The following ANKMY1 variants were observed in gnomAD, a reference collection of about 807,000 sequenced individuals.
ANKMY1 encodes the protein ankyrin repeat and MYND domain-containing protein 1.
A neutral mutation model predicts 102.0 loss-of-function variants in ANKMY1; 98 were observed. That is an observed-to-expected ratio of 0.96 (90% CI 0.82 to 1.14). The LOEUF is 1.14. Among genes scored for constraint, ANKMY1 ranks in the 50% most tolerant of loss-of-function variants. The pLI, the probability that ANKMY1 is intolerant of heterozygous loss-of-function variation, is 0.00. For synonymous variants in ANKMY1, 582 were observed against 559.9 expected (o/e 1.04, Z -0.56); for missense variants, 1,330 against 1,347.6 (o/e 0.99, Z 0.20).
Position 240,529,963 on chromosome 2 carries a change from AGG to A in ANKMY1, c.481-456_481-455del. Reference sequence around the variant, plus strand: ...GGAGGAGGAGATAGAGGAAAGGAAGAGGAGGAGGAGGAAGAGGAAGGAGGGAA... The same window carrying A: ...GGAGGAGGAGATAGAGGAAAGGAAGAAGGAGGAGGAAGAGGAAGGAGGGAA... On this transcript the variant is annotated intron_variant, in intron 4 of 17. Coordinates refer to ENST00000401804, the MANE Select transcript of ANKMY1 (RefSeq NM_001282771.3). The surrounding 1 kb of genome is among the most constrained non-coding windows in gnomAD (Gnocchi z 4.2). Among the ~76,000 whole-genome samples, 1 of 132,146 alleles carries A rather than the reference AGG, an allele frequency of 7.6e-6. No individual in the cohort carries two copies. Among genetic ancestry groups the A allele is most frequent in the Non-Finnish European group, 1.7e-5 (1 of 57,374 alleles). 86.7% of individuals were successfully genotyped at this position (132,146 alleles called of 152,430 possible).
intron 16 of ANKMY1, 50 bp downstream of exon 16, chr2:240,482,133 A>C (rs1035299596): frequency 8.2e-6 from 13 of 1,595,076 alleles, no homozygotes; most frequent in African/African-American, 1.3e-5. Flanking sequence ...AGCACTGTCC[A>C]AACCACAGGC....
In ANKMY1 at chr2:240,479,594, C is replaced by T; in HGVS notation, c.*15G>A. The T allele has an allele frequency of 6.2e-7, 1 of 1,613,844 alleles. No homozygotes were observed. The highest frequency in any genetic ancestry group is 8.5e-7 in the Non-Finnish European group (1 of 1,179,942). ...TCCTGGGTCCTCCCCAAGCCTCGGA[C>T]GTGCAGCTGCTGCTTCACTGGAATT... On this transcript the variant is annotated 3_prime_UTR_variant, in exon 18 of 18. Transcript: ENST00000401804.
chr2:240,471,443 G>A, the ANKMY1 span, among the ~76,000 whole-genome samples: 2 of 151,742 alleles, frequency 1.3e-5, no homozygotes, highest in Non-Finnish European at 2.9e-5. Context: ...AATAAAATCT[G>A]CCACCAGAGC....
intron 4 of ANKMY1, among the ~76,000 whole-genome samples, chr2:240,542,206 A>AG (rs2089054403): frequency 1.4e-5 from 2 of 146,134 alleles, no homozygotes; most frequent in South Asian, 2.2e-4. Flanking sequence ...ACTCCATCTC[A>AG]GAAAAAAAAA....
At chr2:240,526,028 C>T (rs1335172412) in intron 6 of ANKMY1, 179 bp from the exon 7 acceptor site, 9 of 984,728 alleles carry the variant, frequency 9.1e-6, no homozygotes, top group African/African-American at 1.6e-5. Flanking sequence ...GCACTCTGCC[C>T]CAAACCCTTC....
chr2:240,515,806 C>T (rs938431378), intron 9 of ANKMY1, among the ~76,000 whole-genome samples: 18 of 152,160 alleles, frequency 1.2e-4, no homozygotes, highest in Non-Finnish European at 1.0e-4. Flanking sequence ...CAAGCTCCTC[C>T]TCCCAGGTTC....
chr2:240,560,664 G>A (rs780981556), upstream of ANKMY1: 7 of 1,499,260 alleles, frequency 4.7e-6, no homozygotes, highest in Non-Finnish European at 6.2e-6. Context: ...GGGCCCAAAA[G>A]CAGACTCTTC....
At position 240,526,629 on chromosome 2, in the gene ANKMY1, C is replaced by T. The variant is rs956600241; in HGVS notation, c.954-184G>A. ...CAGCTGCTCACAATCCACTAGGTTG[C>T]ACACGGTGGTGCAGACATGCCACCT... On this transcript the variant is annotated intron_variant, in intron 5 of 17. Coordinates refer to ENST00000401804, the MANE Select transcript of ANKMY1 (RefSeq NM_001282771.3). 96 of 1,447,338 alleles carry T rather than the reference C, an allele frequency of 6.6e-5. No homozygotes were observed. In the East Asian group the frequency reaches 2.3e-3, roughly 35 times the overall value. The allele number at this position is 1,447,338 out of a possible 1,614,324, so 89.7% of individuals were successfully genotyped here.
intron 15 of ANKMY1, among the ~76,000 whole-genome samples, chr2:240,484,076 G>A (rs1428292657): frequency 6.6e-6 from 1 of 152,104 alleles, no homozygotes; most frequent in Non-Finnish European, 1.5e-5. Context: ...TCTTTATCTA[G>A]TCTATCATTG....
chr2:240,481,195 G>A, intron 16 of ANKMY1, 98 bp from the exon 17 acceptor site: 1 of 1,479,358 alleles, frequency 6.8e-7, no homozygotes, highest in South Asian at 1.3e-5. Flanking sequence ...TGAGCTCCTG[G>A]GCTATTCCCC....
chr2:240,519,974 C>T, intron 9 of ANKMY1: 1 of 423,324 alleles, frequency 2.4e-6, no homozygotes, highest in Non-Finnish European at 5.0e-6. Flanking sequence ...ACCTCAGCAC[C>T]AAAACCCTTT....
At chr2:240,539,374 G>A (rs954162856) in intron 4 of ANKMY1, among the ~76,000 whole-genome samples, 5 of 152,128 alleles carry the variant, frequency 3.3e-5, no homozygotes, top group East Asian at 1.9e-4. Flanking sequence ...AACACTCACC[G>A]TGAAGGTCTG....
intron 4 of ANKMY1, among the ~76,000 whole-genome samples, chr2:240,540,288 G>A (rs533153682): frequency 1.1e-4 from 17 of 152,248 alleles, no homozygotes; most frequent in Non-Finnish European, 2.5e-4. Context: ...AGACTGATCT[G>A]ACTGCCTCAG....
chr2:240,511,755 C>T (rs1374808775), intron 11 of ANKMY1, 106 bp downstream of exon 11: 1 of 1,400,222 alleles, frequency 7.1e-7, no homozygotes, highest in Non-Finnish European at 9.4e-7. Context: ...CTGGCTTCTG[C>T]CTAAGACTCA....
chr2:240,549,943 T>G (rs2125046069), intron 4 of ANKMY1, among the ~76,000 whole-genome samples: 1 of 152,016 alleles, frequency 6.6e-6, no homozygotes, highest in South Asian at 2.1e-4. Context: ...TCAACCATTG[T>G]GGAAGTCAGT....
chr2:240,500,653 C>A lies in ANKMY1; in HGVS notation c.2527-88G>T, dbSNP rs2078023768. 10 of 1,137,032 alleles carry A rather than the reference C, an allele frequency of 8.8e-6. 1 individual carries two copies. In the South Asian group the frequency reaches 1.4e-4, roughly 16 times the overall value. 70.4% of individuals were successfully genotyped at this position (1,137,032 alleles called of 1,614,324 possible). A position where few individuals can be genotyped will look rare whatever the true frequency, so the allele number is the denominator to read the frequency against. ...CACCGCCTGAGAAGGGCCATGGTCA[C>A]CTGCAGTCCCCACCAAGGCCGCCCT... On this transcript the variant is annotated intron_variant, in intron 13 of 17. Coordinates refer to ENST00000401804, the MANE Select transcript of ANKMY1 (RefSeq NM_001282771.3).
At chr2:240,502,902 C>T (rs892145809) in intron 13 of ANKMY1, among the ~76,000 whole-genome samples, 4 of 152,074 alleles carry the variant, frequency 2.6e-5, no homozygotes, top group African/African-American at 4.8e-5. Flanking sequence ...CCCACCTCCA[C>T]GGCCCAATGA....
At chr2:240,474,355 C>T in the ANKMY1 span, among the ~76,000 whole-genome samples, 3 of 151,014 alleles carry the variant, frequency 2.0e-5, no homozygotes, top group African/African-American at 4.9e-5. Flanking sequence ...GATCCACCCG[C>T]CTCGGCCTCC....
At chr2:240,557,386 C>T in intron 1 of ANKMY1, 34 bp from the exon 2 acceptor site, 1 of 1,420,990 alleles carries the variant, frequency 7.0e-7, no homozygotes, top group South Asian at 1.5e-5. Flanking sequence ...CATGTGCCCC[C>T]AGGGCTCCCG....
Sources: allele counts gnomAD v4.1 joint callset (sites outside exome capture counted in the v4.1 genomes callset), GRCh38; gene constraint gnomAD v4.1.1; non-coding constraint Gnocchi (gnomAD v3.1); transcripts MANE v1.5; gene names NCBI Gene and HGNC (gene_info 2026-07-23, HGNC 2026-07-21).